SFI1: variants seen among roughly 807,000 people sequenced by gnomAD.
The protein encoded by SFI1 is SFI1 centrin binding protein, also known as protein SFI1 homolog.
In SFI1, 195 loss-of-function variants were observed where a neutral mutation model predicts 207.5. The ratio of observed to expected loss-of-function variants is 0.94; its 90% CI spans 0.84 to 1.06. The LOEUF is 1.06. Among genes scored for constraint, SFI1 ranks in the 50% least tolerant of loss-of-function variants. The pLI, the probability that SFI1 is intolerant of heterozygous loss-of-function variation, is 0.00. For synonymous variants in SFI1, 630 were observed against 598.9 expected, an observed-to-expected ratio of 1.05 and a Z score of -0.76; for missense variants, 1,634 against 1,588.0, an observed-to-expected ratio of 1.03 and a Z score of -0.49.
At chr22:31,615,361 C>CG in intron 29 of SFI1, 82 bp downstream of exon 29, 1 of 1,286,432 alleles carries the variant, frequency 7.8e-7, no homozygotes, top group Non-Finnish European at 1.0e-6. Context: ...CACAGCTGTA[C>CG]TAGTTTCTGG....
At chr22:31,529,006 G>C in intron 3 of SFI1, 143 bp downstream of exon 3, 1 of 771,898 alleles carries the variant, frequency 1.3e-6, no homozygotes, top group Non-Finnish European at 2.0e-6. Flanking sequence ...ATGTTCAGAT[G>C]AAAAGGATAT....
chr22:31,595,554 A>G (rs557228399), intron 15 of SFI1, among the ~76,000 whole-genome samples: 6 of 152,330 alleles, frequency 3.9e-5, no homozygotes, highest in African/African-American at 1.4e-4. Context: ...CAAGAGGAAG[A>G]TCTTTTTGAT....
intron 2 of SFI1, among the ~76,000 whole-genome samples, chr22:31,524,009 C>G (rs1196606027): frequency 6.7e-6 from 1 of 149,984 alleles, no homozygotes; most frequent in Non-Finnish European, 1.5e-5. Flanking sequence ...CGAGACTAGC[C>G]TGGCCAATAT....
intron 8 of SFI1, among the ~76,000 whole-genome samples, chr22:31,571,173 G>A (rs552356702): frequency 2.6e-5 from 4 of 152,254 alleles, no homozygotes; most frequent in Admixed American, 2.6e-4. Context: ...AAGAATCACT[G>A]GTTTATTCCT....
intron 1 of SFI1, among the ~76,000 whole-genome samples, chr22:31,507,446 C>G (rs2054805535): frequency 1.3e-5 from 2 of 152,140 alleles, no homozygotes. Flanking sequence ...TAGGCACAGG[C>G]AAAGATTTCA....
At chr22:31,504,290 A>G (rs1176524955) in intron 1 of SFI1, among the ~76,000 whole-genome samples, 2 of 152,206 alleles carry the variant, frequency 1.3e-5, no homozygotes, top group East Asian at 3.8e-4. Flanking sequence ...ATTTATAGAA[A>G]TAATCACTTA....
At chr22:31,605,114 T>C in intron 20 of SFI1, 169 bp downstream of exon 20, 1 of 585,480 alleles carries the variant, frequency 1.7e-6, no homozygotes, top group East Asian at 3.2e-5. Flanking sequence ...TTCGCCTTCA[T>C]GTCTTAAGCC....
chr22:31,580,545 T>TC (rs201435372), intron 12 of SFI1, among the ~76,000 whole-genome samples, 181 bp downstream of exon 12: 4 of 131,072 alleles, frequency 3.1e-5, no homozygotes, highest in Non-Finnish European at 3.3e-5. Context: ...TTCTTTTCTT[T>TC]TTTTTTTTTT....
In SFI1 at chr22:31,593,368, G is replaced by T. The variant is rs1193670307; in HGVS notation, c.1544+3791G>T. 1.1e-3 allele frequency among the ~76,000 whole-genome samples: 158 copies of T among 138,500 alleles called. 2 individuals are homozygous for T. The highest frequency in any genetic ancestry group is 1.3e-3 in the Non-Finnish European group (84 of 63,096). 90.9% of individuals were successfully genotyped at this position (138,500 alleles called of 152,430 possible). A position where few individuals can be genotyped will look rare whatever the true frequency, so the allele number is the denominator to read the frequency against. Reference sequence around the variant, plus strand: ...CTCACATCCCAGATGGGACGGCGGGGCAGAGGCGCTCCCCACATCTCAGAC... The same window carrying T: ...CTCACATCCCAGATGGGACGGCGGGTCAGAGGCGCTCCCCACATCTCAGAC... On this transcript the variant is annotated intron_variant, in intron 15 of 32. Transcript: ENST00000400288.
At chr22:31,616,191 A>C (rs2071403810) in intron 29 of SFI1, 1 of 152,204 alleles carries the variant, frequency 6.6e-6, no homozygotes, top group African/African-American at 2.4e-5. Context: ...GGTTCCTGAA[A>C]GGGGATGAGG....
intron 12 of SFI1, among the ~76,000 whole-genome samples, chr22:31,582,849 G>A (rs758486643): frequency 2.0e-5 from 3 of 152,118 alleles, no homozygotes; most frequent in Non-Finnish European, 4.4e-5. Flanking sequence ...TTAGCATAAT[G>A]TATACTTTTT....
chr22:31,513,818 A>T (rs1024614307), intron 2 of SFI1, among the ~76,000 whole-genome samples: 1 of 150,740 alleles, frequency 6.6e-6, no homozygotes, highest in Non-Finnish European at 1.5e-5. Context: ...TGACCTCGTG[A>T]TCCGCCCACC....
At position 31,578,457 on chromosome 22, in the gene SFI1, G is replaced by A. The variant is rs1246452909; in HGVS notation, c.1155+5G>A. On this transcript the variant is annotated splice_donor_5th_base_variant and intron_variant, in intron 11 of 32. Coordinates refer to ENST00000400288, the MANE Select transcript of SFI1 (RefSeq NM_001007467.3). ...CACCACAGGCACAGCCAGCTGGTAA[G>A]AGCCCTGCATCCTGGCACGGGTCCG... 6.2e-7 allele frequency: 1 copy of A among 1,612,860 alleles called. No individual in the cohort carries two copies. The highest frequency in any genetic ancestry group is 1.3e-5 in the African/African-American group (1 of 74,922).
Position 31,614,836 on chromosome 22 carries a change from T to C in SFI1, c.3044T>C (p.Leu1015Pro). 6.2e-7 allele frequency: 1 copy of C among 1,613,792 alleles called. No individual in the cohort carries two copies. The highest frequency in any genetic ancestry group is 8.5e-7 in the Non-Finnish European group (1 of 1,180,000). Residue 1015 changes from leucine (L) to proline (P), a missense_variant, in exon 28 of 33, where the codon CTG (leucine) becomes CCG (proline). Physicochemically the swap from Leu to Pro is moderately conservative, Grantham distance 98 (BLOSUM62 -3). Transcript: ENST00000400288. Reference protein sequence around the residue: ...ARKQPRRPHFLLEPAQSQRPQ... With the variant: ...ARKQPRRPHFPLEPAQSQRPQ... The stretch of plus-strand genomic sequence containing the variant: ...AAGCAGCCGCGACGCCCACACTTCC[T>C]GTTGGAGCCTGCGCAGAGCCAGAGG...
chr22:31,548,720 A>C (rs2060340305), intron 5 of SFI1, among the ~76,000 whole-genome samples: 1 of 151,706 alleles, frequency 6.6e-6, no homozygotes, highest in Non-Finnish European at 1.5e-5. Flanking sequence ...GAGGCAGAAG[A>C]ATTGCTTGAA....
rs2071201841 is a variant in SFI1, at chr22:31,615,215, G to A, written c.3236G>A (p.Gly1079Asp). ...GPKQPPTAST[G>D]PELLLLPLSS... ...AAGCAGCCCCCGACGGCAAGCACAG[G>A]CCCGGAGCTGCTGCTGCTGCCTCTT... Residue 1079 changes from glycine to aspartate, a missense_variant, in exon 29 of 33, where the codon GGC becomes GAC. Physicochemically the swap from Gly to Asp is moderately conservative, Grantham distance 94. Transcript: ENST00000400288. 1.9e-6 allele frequency: 3 copies of A among 1,558,448 alleles called. No homozygotes were observed. The highest frequency in any genetic ancestry group is 2.7e-5 in the African/African-American group (2 of 72,774).
intron 22 of SFI1, among the ~76,000 whole-genome samples, chr22:31,608,536 G>GA (rs2069473573): frequency 2.4e-4 from 36 of 152,158 alleles, no homozygotes; most frequent in Admixed American, 2.4e-3. Flanking sequence ...GAATACGGCA[G>GA]GTGTGGAGGG....
chr22:31,516,634 C>A (rs1166092689), intron 2 of SFI1, among the ~76,000 whole-genome samples: 1 of 152,100 alleles, frequency 6.6e-6, no homozygotes, highest in East Asian at 1.9e-4. Flanking sequence ...GCCTGGCCAA[C>A]ATGGCGAAAC....
intron 31 of SFI1, among the ~76,000 whole-genome samples, chr22:31,617,677 C>T (rs1364505844): frequency 3.3e-5 from 5 of 151,254 alleles, no homozygotes; most frequent in Non-Finnish European, 5.9e-5. Context: ...GCTGAGATCA[C>T]GCCATTGCAC....
Sources: allele counts gnomAD v4.1 joint callset (sites outside exome capture counted in the v4.1 genomes callset), GRCh38; gene constraint gnomAD v4.1.1; transcripts MANE v1.5; gene names NCBI Gene and HGNC (gene_info 2026-07-23, HGNC 2026-07-21).